MCOLN2: variants seen among roughly 807,000 people sequenced by gnomAD.
The protein encoded by MCOLN2 is mucolipin TRP cation channel 2, also known as mucolipin-2.
A neutral mutation model predicts 67.5 loss-of-function variants in MCOLN2; 57 were observed. The observed-to-expected ratio is 0.84, with a 90% CI of 0.68 to 1.05. The LOEUF (loss-of-function observed/expected upper bound fraction) is 1.05. Ranked by LOEUF, MCOLN2 falls within the 50% of genes least tolerant of loss-of-function variation. MCOLN2 has a pLI of 0.00. For synonymous variants in MCOLN2, 246 were observed against 233.3 expected (o/e 1.05, Z -0.50); for missense variants, 620 against 678.8 (o/e 0.91, Z 0.96).
At chr1:84,962,998 A>G (rs1649174905) in intron 2 of MCOLN2, among the ~76,000 whole-genome samples, 1 of 152,220 alleles carries the variant, frequency 6.6e-6, no homozygotes, top group Non-Finnish European at 1.5e-5. Flanking sequence ...TAACTTATCT[A>G]TATTCCAACA....
rs774247999 is a variant in MCOLN2, at chr1:84,937,766, A to G, written c.1324T>C (p.Tyr442His). ...TFCGWIVLGP[Y>H]HDKFENLNTV... ...TGTGAGCTACACACCTTGTCATGGT[A>G]TGGTCCTAAGACAATCCAGCCACAG... is the stretch of plus-strand genomic sequence containing the variant. The change falls in exon 11 of 14, where the codon TAC becomes CAC. Residue 442 changes from tyrosine (Y) to histidine (H), a missense_variant. Coordinates refer to ENST00000370608, the MANE Select transcript of MCOLN2 (RefSeq NM_153259.4). The G allele has an allele frequency of 1.2e-6, 2 of 1,614,220 alleles. No homozygotes were observed. Among genetic ancestry groups the G allele is most frequent in the Admixed American group, 1.7e-5 (1 of 60,024 alleles).
chr1:84,931,095 A>G (rs375166609), intron 12 of MCOLN2, among the ~76,000 whole-genome samples: 22 of 152,154 alleles, frequency 1.4e-4, no homozygotes, highest in Admixed American at 9.2e-4. Flanking sequence ...CAGGGCTAAG[A>G]CCAGCAGCCT....
At chr1:84,934,842 A>G (rs2102805421) in intron 11 of MCOLN2, among the ~76,000 whole-genome samples, 1 of 152,324 alleles carries the variant, frequency 6.6e-6, no homozygotes, top group East Asian at 1.9e-4. Flanking sequence ...GGGAATACAC[A>G]TCAGCAGGAA....
rs563875825 is a variant in MCOLN2, at chr1:84,940,910, C to T, written c.929G>A (p.Arg310Lys). 3.7e-6 allele frequency: 6 copies of T among 1,613,332 alleles called. No homozygotes were observed. Among genetic ancestry groups the T allele is most frequent in the East Asian group, 4.5e-5 (2 of 44,794 alleles). ...TAACCTTAGAGCAAGAACAATGGAT[C>T]TTGTACACAGAATAAGAGATGCCAA... ...ICLASLILCT[R>K]SIVLALRLRK... Residue 310 changes from arginine to lysine, a missense_variant, in exon 8 of 14, where the codon AGA becomes AAA. Physicochemically the swap from Arg to Lys is conservative, Grantham distance 26 (BLOSUM62 2). Coordinates refer to ENST00000370608, the MANE Select transcript of MCOLN2 (RefSeq NM_153259.4).
intron 1 of MCOLN2, among the ~76,000 whole-genome samples, chr1:84,995,048 G>A (rs935771195): frequency 5.3e-5 from 8 of 152,114 alleles, no homozygotes; most frequent in African/African-American, 1.9e-4. Context: ...AAGAATGGCT[G>A]GTCGGTGGAG....
rs139181010 is a variant in MCOLN2 at position 84,931,536 on chromosome 1, C to A, written c.1368G>T (p.Leu456=). Residue 456 remains leucine (L), a synonymous_variant, in exon 12 of 14, where the codon CTG becomes CTT. Transcript: ENST00000370608. Reference sequence around the variant, plus strand: ...TGTCATCACCGTTGACCAGAGAAAACAGACACTCAGCAACTGTGTTCAGAT... The same window carrying A: ...TGTCATCACCGTTGACCAGAGAAAAAAGACACTCAGCAACTGTGTTCAGAT... ...FENLNTVAEC[L]FSLVNGDDMF... 80 of 1,613,950 alleles carry A rather than the reference C, an allele frequency of 5.0e-5. No homozygotes were observed. The highest frequency in any genetic ancestry group is 6.5e-5 in the Non-Finnish European group (77 of 1,179,990).
At chr1:84,966,868 T>C (rs995624820) in intron 1 of MCOLN2, among the ~76,000 whole-genome samples, 2 of 152,160 alleles carry the variant, frequency 1.3e-5, no homozygotes, top group Admixed American at 6.5e-5. Context: ...TTAGTATTTC[T>C]ATTTTATTAT....
At chr1:84,971,227 GAT>G (rs1249145174) in intron 1 of MCOLN2, among the ~76,000 whole-genome samples, 1 of 152,122 alleles carries the variant, frequency 6.6e-6, no homozygotes, top group Non-Finnish European at 1.5e-5. Context: ...ATGAAAAAAT[GAT>G]AGACATGTAG....
chr1:84,935,922 G>A (rs1647399743), intron 11 of MCOLN2, among the ~76,000 whole-genome samples: 1 of 152,282 alleles, frequency 6.6e-6, no homozygotes, highest in South Asian at 2.1e-4. Context: ...TGATCTCCAA[G>A]TACAAGACTG....
At chr1:84,973,970 G>T (rs948678987) in intron 1 of MCOLN2, among the ~76,000 whole-genome samples, 2 of 152,200 alleles carry the variant, frequency 1.3e-5, no homozygotes, top group Non-Finnish European at 2.9e-5. Flanking sequence ...GGTGCGCAGA[G>T]TGCCTCTGCA....
intron 1 of MCOLN2, among the ~76,000 whole-genome samples, chr1:84,971,233 C>T (rs1303864421): frequency 1.3e-5 from 2 of 151,740 alleles, no homozygotes. Flanking sequence ...AAATGATAGA[C>T]ATGTAGGGGG....
chr1:84,976,183 G>T (rs1024772596), intron 1 of MCOLN2, among the ~76,000 whole-genome samples: 1 of 151,990 alleles, frequency 6.6e-6, no homozygotes, highest in Non-Finnish European at 1.5e-5. Flanking sequence ...AATACAAGAA[G>T]GTTATATAGG....
chr1:84,944,609 C>A (rs1005197079), intron 7 of MCOLN2, among the ~76,000 whole-genome samples: 2 of 152,178 alleles, frequency 1.3e-5, no homozygotes, highest in African/African-American at 4.8e-5. Flanking sequence ...AGGAGTCCCC[C>A]AATTCCTCCC....
Position 84,937,849 on chromosome 1 carries a change from AGT to A in MCOLN2, c.1239_1240del (p.Leu414AlafsTer30), listed in dbSNP as rs762289119. On this transcript the variant is annotated frameshift_variant, in exon 11 of 14. Transcript: ENST00000370608. LOFTEE classifies it high-confidence loss of function. The stretch of plus-strand genomic sequence containing the variant: ...AGCACAAAACCGAAGAACTTTTGGC[AGT>A]GAGGCCTGCATTGTTAAAATCAGCA... 1 of 1,614,226 alleles carries A rather than the reference AGT, an allele frequency of 6.2e-7. No homozygotes were observed. Among genetic ancestry groups the A allele is most frequent in the South Asian group, 1.1e-5 (1 of 91,088 alleles).
intron 1 of MCOLN2, among the ~76,000 whole-genome samples, chr1:84,980,458 T>C (rs139419967): frequency 1.8e-4 from 27 of 151,766 alleles, no homozygotes; most frequent in African/African-American, 4.8e-4. Flanking sequence ...ATTACACAGA[T>C]ACAAAACACA....
At chr1:84,968,564 C>T (rs1348794916) in intron 1 of MCOLN2, among the ~76,000 whole-genome samples, 1 of 152,214 alleles carries the variant, frequency 6.6e-6, no homozygotes, top group Non-Finnish European at 1.5e-5. Context: ...ACCATGCTTA[C>T]CATCTGTGAT....
intron 1 of MCOLN2, among the ~76,000 whole-genome samples, chr1:84,987,982 G>A (rs1169340051): frequency 6.6e-6 from 1 of 152,008 alleles, no homozygotes; most frequent in Non-Finnish European, 1.5e-5. Context: ...CTTGGGTGAT[G>A]GGTGCACAAA....
intron 1 of MCOLN2, among the ~76,000 whole-genome samples, chr1:84,987,447 C>G (rs1377574114): frequency 8.8e-6 from 1 of 113,116 alleles, no homozygotes; most frequent in African/African-American, 4.0e-5. Context: ...TAGATATATA[C>G]ATATATACAT....
chr1:84,981,792 T>G (rs533253548), intron 1 of MCOLN2, among the ~76,000 whole-genome samples: 32 of 152,196 alleles, frequency 2.1e-4, no homozygotes, highest in African/African-American at 7.2e-4. Flanking sequence ...ATTGTACATT[T>G]AAAAATAATT....
Sources: allele counts gnomAD v4.1 joint callset (sites outside exome capture counted in the v4.1 genomes callset), GRCh38; gene constraint gnomAD v4.1.1; transcripts MANE v1.5; gene names NCBI Gene and HGNC (gene_info 2026-07-23, HGNC 2026-07-21).